The following ZNF704 variants were observed in gnomAD, a reference collection of about 807,000 sequenced individuals.
ZNF704 encodes glucocorticoid induced gene 1.
ZNF704 carries 10 observed loss-of-function variants against 44.7 expected under a neutral mutation model. That is an observed-to-expected ratio of 0.22 (90% CI 0.14 to 0.38). The LOEUF is 0.38. Ranked by LOEUF, ZNF704 falls within the 10% of genes least tolerant of loss-of-function variation. ZNF704 has a pLI of 1.00. For missense variants in ZNF704, 390 were observed against 545.5 expected, an observed-to-expected ratio of 0.71 and a Z score of 2.84; for synonymous variants, 211 against 207.6, an observed-to-expected ratio of 1.02 and a Z score of -0.14.
chr8:80,821,703 C>T, intron 1 of ZNF704, 88 bp from the exon 2 acceptor site: 1 of 915,522 alleles, frequency 1.1e-6, no homozygotes, highest in Non-Finnish European at 1.7e-6. Context: ...AGATTACAGA[C>T]ACTGTCCTTC....
At chr8:80,783,630 G>T (rs1056226395) in intron 2 of ZNF704, among the ~76,000 whole-genome samples, 4 of 152,066 alleles carry the variant, frequency 2.6e-5, no homozygotes, top group Non-Finnish European at 5.9e-5. Flanking sequence ...CAGAAAAATT[G>T]AGAGGAAAGT....
chr8:80,877,701 A>G (rs1809375646), upstream of ZNF704, among the ~76,000 whole-genome samples: 1 of 152,190 alleles, frequency 6.6e-6, no homozygotes, highest in African/African-American at 2.4e-5. Context: ...TTCTGCATGG[A>G]TTTGTTGAGT....
chr8:80,823,052 A>G (rs1314474060), intron 1 of ZNF704, among the ~76,000 whole-genome samples: 1 of 152,164 alleles, frequency 6.6e-6, no homozygotes, highest in Non-Finnish European at 1.5e-5. Context: ...CTGCATTGCC[A>G]ACTGAGGTAC....
chr8:80,652,390 T>G (rs912046832), intron 7 of ZNF704, among the ~76,000 whole-genome samples: 2 of 151,688 alleles, frequency 1.3e-5, no homozygotes, highest in African/African-American at 4.8e-5. Flanking sequence ...CTGTTTTTTT[T>G]AAAAGATCAA....
At chr8:80,879,152 A>G (rs1460314364), upstream of ZNF704, among the ~76,000 whole-genome samples, 4 of 152,220 alleles carry the variant, frequency 2.6e-5, no homozygotes, top group South Asian at 4.1e-4. Context: ...TAAAATGTCA[A>G]CTTGAAGTCT....
intron 8 of ZNF704, among the ~76,000 whole-genome samples, chr8:80,642,003 C>T (rs1817752121): frequency 1.3e-5 from 2 of 152,174 alleles, no homozygotes; most frequent in South Asian, 4.1e-4. Flanking sequence ...CAAGTAAACA[C>T]AAGAAATGCC....
At chr8:80,834,156 T>G (rs985327821) in intron 1 of ZNF704, among the ~76,000 whole-genome samples, 1 of 151,962 alleles carries the variant, frequency 6.6e-6, no homozygotes, top group Non-Finnish European at 1.5e-5. Flanking sequence ...ATTGTGCCAC[T>G]GCACTCCAGC....
intron 1 of ZNF704, among the ~76,000 whole-genome samples, chr8:80,862,383 A>T (rs901232351): frequency 6.6e-6 from 1 of 151,966 alleles, no homozygotes; most frequent in Non-Finnish European, 1.5e-5. Context: ...AAGTGACAAA[A>T]ATCAATACAG....
intron 7 of ZNF704, among the ~76,000 whole-genome samples, chr8:80,649,876 C>T (rs1817888852): frequency 6.6e-6 from 1 of 152,224 alleles, no homozygotes; most frequent in Non-Finnish European, 1.5e-5. Flanking sequence ...TCAAGTGGGT[C>T]CATGACCCCC....
upstream of ZNF704, among the ~76,000 whole-genome samples, chr8:80,879,290 G>A (rs894009879): frequency 6.7e-6 from 1 of 150,214 alleles, no homozygotes; most frequent in Admixed American, 6.6e-5. Context: ...AGGCTGGAGT[G>A]CAGTGGCTCA....
chr8:80,652,859 C>A (rs1396435158), intron 7 of ZNF704, among the ~76,000 whole-genome samples: 1 of 152,004 alleles, frequency 6.6e-6, no homozygotes, highest in East Asian at 1.9e-4. Flanking sequence ...GGCAGAGACA[C>A]AACAAAAAAA....
intron 2 of ZNF704, among the ~76,000 whole-genome samples, chr8:80,773,704 C>A (rs1807363117): frequency 6.6e-6 from 1 of 152,142 alleles, no homozygotes; most frequent in Non-Finnish European, 1.5e-5. Flanking sequence ...GGTATGAATG[C>A]TGGATTGACA....
At chr8:80,870,190 A>G (rs765344094) in intron 1 of ZNF704, among the ~76,000 whole-genome samples, 1 of 152,156 alleles carries the variant, frequency 6.6e-6, no homozygotes, top group African/African-American at 2.4e-5. Context: ...GCAAAAAAAA[A>G]TTTGTAGTAA....
intron 5 of ZNF704, among the ~76,000 whole-genome samples, chr8:80,668,605 G>A (rs1232373980): frequency 6.6e-6 from 1 of 152,202 alleles, no homozygotes; most frequent in African/African-American, 2.4e-5. Context: ...AGGCCTGGGG[G>A]ACACTGCGTG....
At chr8:80,691,047 C>T (rs1476913447) in intron 3 of ZNF704, among the ~76,000 whole-genome samples, 1 of 151,900 alleles carries the variant, frequency 6.6e-6, no homozygotes, top group African/African-American at 2.4e-5. Flanking sequence ...GTTATCCCAG[C>T]TTGATGAATC....
chr8:80,636,862 G>C lies in ZNF704; in HGVS notation c.*4504C>G, dbSNP rs1020571764. On this transcript the variant is annotated 3_prime_UTR_variant, in exon 9 of 9. Transcript: ENST00000327835. ...ACCTTGTCCACAAAAGTCCATGGAAGTTTGTTCGCTAACATGCTATTAAAG... is the reference window on the plus strand; with the variant it reads ...ACCTTGTCCACAAAAGTCCATGGAACTTTGTTCGCTAACATGCTATTAAAG... 1 of 152,228 alleles carries C rather than the reference G, an allele frequency of 6.6e-6. No homozygotes were observed. Among genetic ancestry groups the C allele is most frequent in the Non-Finnish European group, 1.5e-5 (1 of 68,046 alleles). 9.4% of individuals were successfully genotyped at this position (152,228 alleles called of 1,614,324 possible). A position where few individuals can be genotyped will look rare whatever the true frequency, so the allele number is the denominator to read the frequency against.
chr8:80,855,137 G>A lies in ZNF704; in HGVS notation c.-22+19434C>T, dbSNP rs566137931. 7.2e-5 allele frequency among the ~76,000 whole-genome samples: 11 copies of A among 152,194 alleles called. 1 individual carries two copies. The South Asian group carries it at 1.9e-3, about 26-fold the overall frequency. ...CGCCTTTCTTGTTCAATAGTATATC[G>A]TCTGTACCCAGCAAAGTGTCTGGTA... On this transcript the variant is annotated intron_variant, in intron 1 of 8. Transcript: ENST00000327835.
At chr8:80,787,234 A>G (rs1807629525) in intron 2 of ZNF704, among the ~76,000 whole-genome samples, 1 of 152,226 alleles carries the variant, frequency 6.6e-6, no homozygotes, top group Admixed American at 6.5e-5. Context: ...TTTTTTAGAA[A>G]TGCTGCCAGA....
upstream of ZNF704, among the ~76,000 whole-genome samples, chr8:80,876,883 A>G (rs1202954687): frequency 6.6e-6 from 1 of 152,178 alleles, no homozygotes; most frequent in African/African-American, 2.4e-5. Flanking sequence ...ATGTGCTTTT[A>G]AAGACCAACA....
Sources: gnomAD v4.1 joint callset for allele counts (sites outside exome capture counted in the v4.1 genomes callset) on GRCh38, gnomAD v4.1.1 for gene constraint, MANE v1.5 for transcripts, NCBI Gene and HGNC (gene_info 2026-07-23, HGNC 2026-07-21) for gene names.